The following ILRUN variants were observed in gnomAD, a reference collection of about 807,000 sequenced individuals.
The protein encoded by ILRUN is protein ILRUN.
Under a neutral mutation model 33.8 loss-of-function variants are expected in ILRUN, and 3 were observed. The ratio of observed to expected loss-of-function variants is 0.09; its 90% confidence interval spans 0.04 to 0.23. ILRUN has a LOEUF of 0.23. Ranked by LOEUF, ILRUN falls within the 10% of genes least tolerant of loss-of-function variation. The probability of loss-of-function intolerance (pLI) is 1.00; values close to 1 mark genes in which losing one functional copy is unlikely to be tolerated. For missense variants in ILRUN, 210 were observed against 375.1 expected (o/e 0.56, Z 3.64); for synonymous variants, 124 against 138.9 (o/e 0.89, Z 0.75).
chr6:34,649,066 T>C (rs1762611001), intron 2 of ILRUN, among the ~76,000 whole-genome samples: 1 of 152,210 alleles, frequency 6.6e-6, no homozygotes, highest in Non-Finnish European at 1.5e-5. Flanking sequence ...GGTCCTGCCC[T>C]TCTTGGTACT....
intron 1 of ILRUN, among the ~76,000 whole-genome samples, chr6:34,689,938 A>C (rs1763612320): frequency 6.6e-6 from 1 of 152,172 alleles, no homozygotes; most frequent in East Asian, 1.9e-4. Flanking sequence ...CAGGCAACCT[A>C]GGATGTTGCA....
At chr6:34,620,511 T>A (rs1161383304) in intron 3 of ILRUN, among the ~76,000 whole-genome samples, 1 of 152,190 alleles carries the variant, frequency 6.6e-6, no homozygotes, top group Non-Finnish European at 1.5e-5. Context: ...ACCTCCTTAC[T>A]AAGATGTGTT....
intron 4 of ILRUN, among the ~76,000 whole-genome samples, chr6:34,597,726 C>T (rs1043956244): frequency 1.3e-5 from 2 of 152,184 alleles, no homozygotes; most frequent in Non-Finnish European, 2.9e-5. Context: ...TCTCTCCTTT[C>T]ATATTAAATG....
At chr6:34,626,477 G>A (rs6931073) in intron 3 of ILRUN, among the ~76,000 whole-genome samples, 4,600 of 152,188 alleles carry the variant, frequency 0.03, 184 homozygotes, top group African/African-American at 0.088. Flanking sequence ...TTGCCCGATC[G>A]TATTTTATTT....
chr6:34,679,717 C>CCCATTATTATCGCTTATTTT (rs1763316926), intron 1 of ILRUN, among the ~76,000 whole-genome samples: 1 of 152,130 alleles, frequency 6.6e-6, no homozygotes, highest in African/African-American at 2.4e-5. Context: ...GAAATAGGGT[C>CCCATTATTATCGCTTATTTT]TTTGCAGATG....
intron 3 of ILRUN, among the ~76,000 whole-genome samples, chr6:34,614,081 T>C (rs1761816487): frequency 6.6e-6 from 1 of 152,046 alleles, no homozygotes; most frequent in Admixed American, 6.5e-5. Flanking sequence ...TCGAGCAACA[T>C]AATAAATAAC....
intron 4 of ILRUN, among the ~76,000 whole-genome samples, chr6:34,606,313 T>C (rs906479259): frequency 6.6e-6 from 1 of 152,078 alleles, no homozygotes; most frequent in African/African-American, 2.4e-5. Context: ...ACCCAAACCA[T>C]AGCAGAGAGA....
chr6:34,677,238 C>T (rs1261065677), intron 1 of ILRUN, among the ~76,000 whole-genome samples: 4 of 151,656 alleles, frequency 2.6e-5, no homozygotes, highest in Admixed American at 2.0e-4. Flanking sequence ...ACCCAGGAGG[C>T]GGAGGCTGCA....
rs80239350 is a variant in ILRUN, at chr6:34,618,920, G to A, written c.512-12016C>T. Among the ~76,000 whole-genome samples the A allele has an allele frequency of 7.3e-3, 1,118 of 152,288 alleles. 21 individuals are homozygous for A. Among genetic ancestry groups the A allele is most frequent in the African/African-American group, 0.026 (1,063 of 41,558 alleles). On this transcript the variant is annotated intron_variant, in intron 3 of 4. Transcript: ENST00000374023. ...TAAAGGAAAACCGGGAGTCTATGGT[G>A]CTCTAGAAGCCTAGTGACGAGTGTT...
rs753032045 is a variant in ILRUN at position 34,590,257 on chromosome 6, T to G, written c.*308A>C. ...AAAGATGGCTTTTTTTCCCCCATTT[T>G]AAACTTTTTCCCCCTTCCCGAGTGA... On this transcript the variant is annotated 3_prime_UTR_variant, in exon 5 of 5. Coordinates refer to ENST00000374023, the MANE Select transcript of ILRUN (RefSeq NM_024294.4). The G allele has an allele frequency of 3.3e-5, 7 of 214,014 alleles. No homozygotes were observed. The highest frequency in any genetic ancestry group is 6.5e-5 in the Non-Finnish European group (7 of 108,264). The allele number at this position is 214,014 out of a possible 1,614,324, so 13.3% of individuals were successfully genotyped here. A position where few individuals can be genotyped will look rare whatever the true frequency, so the allele number is the denominator to read the frequency against.
At position 34,696,520 on chromosome 6, in the gene ILRUN, G is replaced by A. The variant is rs1200300719; in HGVS notation, c.84C>T (p.Ile28=). 1.9e-6 allele frequency: 3 copies of A among 1,613,248 alleles called. No individual in the cohort carries two copies. The highest frequency in any genetic ancestry group is 1.6e-4 in the Middle Eastern group (1 of 6,084). The change falls in exon 1 of 5, where the codon ATC becomes ATT. Residue 28 remains isoleucine, a synonymous_variant. Coordinates refer to ENST00000374023, the MANE Select transcript of ILRUN (RefSeq NM_024294.4). ...CLGTTDKDVL[I]SEFQRLLGFQ... ...AGCCGAGCAGCCTCTGGAACTCGGAGATGAGCACGTCCTTGTCGGTGGTGC... is the reference window on the plus strand; with the variant it reads ...AGCCGAGCAGCCTCTGGAACTCGGAAATGAGCACGTCCTTGTCGGTGGTGC...
At chr6:34,677,706 T>C (rs1487730155) in intron 1 of ILRUN, among the ~76,000 whole-genome samples, 2 of 152,072 alleles carry the variant, frequency 1.3e-5, no homozygotes, top group African/African-American at 4.8e-5. Context: ...CCCAGAACTT[T>C]GGGATGCTGA....
intron 3 of ILRUN, among the ~76,000 whole-genome samples, chr6:34,631,211 A>T (rs1213003953): frequency 6.6e-6 from 1 of 152,188 alleles, no homozygotes; most frequent in African/African-American, 2.4e-5. Flanking sequence ...GCTAAAAGAA[A>T]CTGTAGTAAA....
chr6:34,668,536 C>T (rs1452940706), intron 1 of ILRUN, among the ~76,000 whole-genome samples: 4 of 152,048 alleles, frequency 2.6e-5, no homozygotes, highest in Non-Finnish European at 5.9e-5. Flanking sequence ...GTGGTGCCAC[C>T]CAAGACCTAA....
chr6:34,695,705 A>T (rs1162175332), intron 1 of ILRUN, among the ~76,000 whole-genome samples: 2 of 150,182 alleles, frequency 1.3e-5, no homozygotes, highest in East Asian at 4.0e-4. Context: ...CCCCAAGATC[A>T]TCTCATTTCC....
intron 4 of ILRUN, among the ~76,000 whole-genome samples, chr6:34,602,098 T>C (rs890020859): frequency 3.3e-5 from 5 of 152,036 alleles, no homozygotes; most frequent in African/African-American, 1.2e-4. Context: ...ATATATGGCA[T>C]ATACCAGCCT....
Position 34,599,086 on chromosome 6 carries a change from CA to C in ILRUN, c.861+7468del, listed in dbSNP as rs1761458009. 2.0e-5 allele frequency among the ~76,000 whole-genome samples: 3 copies of C among 152,334 alleles called. No homozygotes were observed. The South Asian group carries it at 6.2e-4, about 32-fold the overall frequency. On this transcript the variant is annotated intron_variant, in intron 4 of 4. Coordinates refer to ENST00000374023, the MANE Select transcript of ILRUN (RefSeq NM_024294.4). ...TAAACTACCTTCAGAGAATAGCCAA[CA>C]AACTTCACTTGCCAGCAACCTCACT...
chr6:34,664,408 G>A (rs1762954153), intron 1 of ILRUN, among the ~76,000 whole-genome samples: 1 of 152,016 alleles, frequency 6.6e-6, no homozygotes, highest in Non-Finnish European at 1.5e-5. Context: ...TGGGTTCAAG[G>A]GTTCCTCTTG....
At chr6:34,666,391 T>C (rs924623073) in intron 1 of ILRUN, among the ~76,000 whole-genome samples, 2 of 152,018 alleles carry the variant, frequency 1.3e-5, no homozygotes, top group African/African-American at 4.8e-5. Context: ...GAAACCCCCA[T>C]CTCTACTTAA....
Sources: gnomAD v4.1 joint callset for allele counts (sites outside exome capture counted in the v4.1 genomes callset) on GRCh38, gnomAD v4.1.1 for gene constraint, MANE v1.5 for transcripts, NCBI Gene and HGNC (gene_info 2026-07-23, HGNC 2026-07-21) for gene names.